The following HERC1 variants were observed in gnomAD, a reference collection of about 807,000 sequenced individuals.
HERC1 encodes probable E3 ubiquitin-protein ligase HERC1.
In HERC1, 160 loss-of-function variants were observed where a neutral mutation model predicts 554.3. The observed-to-expected ratio is 0.29, with a 90% confidence interval of 0.25 to 0.33. The LOEUF (loss-of-function observed/expected upper bound fraction) is 0.33. Ranked by LOEUF, HERC1 falls within the 10% of genes least tolerant of loss-of-function variation. The probability of loss-of-function intolerance (pLI) is 1.00; values close to 1 mark genes in which losing one functional copy is unlikely to be tolerated. For missense variants in HERC1, 4,919 were observed against 5,918.5 expected (o/e 0.83, Z 5.54); for synonymous variants, 2,175 against 2,131.7 (o/e 1.02, Z -0.56).
chr15:63,639,806 G>A (rs916357421), intron 61 of HERC1, among the ~76,000 whole-genome samples: 26 of 152,120 alleles, frequency 1.7e-4, no homozygotes, highest in African/African-American at 6.3e-4. Flanking sequence ...GAATCTATAT[G>A]TGGCATATAA....
Position 63,692,801 on chromosome 15 carries a change from A to C in HERC1, c.5675-235T>G, listed in dbSNP as rs373567163. 5.3e-5 allele frequency among the ~76,000 whole-genome samples: 8 copies of C among 152,322 alleles called. No homozygotes were observed. The South Asian group carries it at 1.2e-3, about 24-fold the overall frequency. ...TAAAAATGAATATGCTATAACTATG[A>C]TGACTAAGTATAATAAAGAATTATT... On this transcript the variant is annotated intron_variant, in intron 30 of 77. Transcript: ENST00000443617. The surrounding 1 kb of genome is among the most constrained non-coding windows in gnomAD (Gnocchi z 4.7).
chr15:63,802,768 G>C (rs1399767925), intron 1 of HERC1, among the ~76,000 whole-genome samples: 1 of 152,222 alleles, frequency 6.6e-6, no homozygotes, highest in Non-Finnish European at 1.5e-5. Context: ...GTTACTGCAA[G>C]TAAGTTTAAG....
At chr15:63,816,446 G>C (rs2077496941) in intron 1 of HERC1, among the ~76,000 whole-genome samples, 1 of 152,174 alleles carries the variant, frequency 6.6e-6, no homozygotes, top group African/African-American at 2.4e-5. Flanking sequence ...TCAAGTTCAT[G>C]CTGAGAAATC....
At chr15:63,763,212 A>G (rs2142358047) in intron 3 of HERC1, among the ~76,000 whole-genome samples, 1 of 152,348 alleles carries the variant, frequency 6.6e-6, no homozygotes, top group Non-Finnish European at 1.5e-5. Flanking sequence ...TCACCCCAAC[A>G]CTAATAAAAA....
rs1272718930 is a variant in HERC1, at chr15:63,664,239, G to C, written c.8680+231C>G. Among the ~76,000 whole-genome samples, 14 of 152,266 alleles carry C rather than the reference G, an allele frequency of 9.2e-5. No homozygotes were observed. In the East Asian group the frequency reaches 2.7e-3, roughly 29 times the overall value. On this transcript the variant is annotated intron_variant, in intron 43 of 77. Transcript: ENST00000443617. ...TATAATTTCTCAAAATCTACAAGTGGCCAGTATAGACTTCTGCACCCAGGG... is the reference window on the plus strand; with the variant it reads ...TATAATTTCTCAAAATCTACAAGTGCCCAGTATAGACTTCTGCACCCAGGG...
At chr15:63,797,412 GT>G (rs564534539) in intron 1 of HERC1, among the ~76,000 whole-genome samples, 1 of 152,084 alleles carries the variant, frequency 6.6e-6, no homozygotes, top group African/African-American at 2.4e-5. Flanking sequence ...TCTAAGATTG[GT>G]TTTTTTGTGT....
chr15:63,665,087 AT>A (rs1417843828), intron 42 of HERC1, among the ~76,000 whole-genome samples: 4 of 152,218 alleles, frequency 2.6e-5, no homozygotes, highest in Non-Finnish European at 5.9e-5. Flanking sequence ...AGGAAAAAAG[AT>A]TTTAGGGAGA....
rs778472856 is a variant in HERC1, at chr15:63,669,618, G to A, written c.8126C>T (p.Thr2709Ile). ...CCTTCCTACTTCATCAGAAGGAGAG[G>A]TTGGTAACGAAGATATTGGAGGAGT... Reference protein sequence around the residue: ...AQTPPISSLPTSPSDEVGRRQ... With the variant: ...AQTPPISSLPISPSDEVGRRQ... The change falls in exon 40 of 78, where the codon ACC becomes ATC. Residue 2709 changes from threonine to isoleucine, a missense_variant. Physicochemically the swap from Thr to Ile is moderately conservative, Grantham distance 89. This residue lies in a region of HERC1 where 1,963 missense variants were observed against 2,228.6 expected (regional missense o/e 0.88). Transcript: ENST00000443617. The A allele has an allele frequency of 6.2e-7, 1 of 1,613,780 alleles. No individual in the cohort carries two copies. The highest frequency in any genetic ancestry group is 8.5e-7 in the Non-Finnish European group (1 of 1,179,674).
At chr15:63,799,007 C>T (rs2076896386) in intron 1 of HERC1, among the ~76,000 whole-genome samples, 1 of 152,072 alleles carries the variant, frequency 6.6e-6, no homozygotes, top group African/African-American at 2.4e-5. Context: ...TTTTTTAAAG[C>T]GTCATCTCTG....
At chr15:63,764,010 G>A (rs1258797664) in intron 3 of HERC1, 86 bp downstream of exon 3, 1 of 708,802 alleles carries the variant, frequency 1.4e-6, no homozygotes, top group Non-Finnish European at 2.1e-6. Context: ...CTTTTCCAGA[G>A]AAAATGGATT....
In HERC1 at chr15:63,678,340, C is replaced by T. The variant is rs202130230; in HGVS notation, c.6575G>A (p.Arg2192His). The T allele has an allele frequency of 2.2e-5, 36 of 1,607,300 alleles. No individual in the cohort carries two copies. The highest frequency in any genetic ancestry group is 1.7e-4 in the Admixed American group (10 of 58,700). Residue 2192 changes from arginine (R) to histidine (H), a missense_variant, in exon 37 of 78, where the codon CGT (arginine) becomes CAT (histidine). Arg to His is a conservative substitution (Grantham distance 29, BLOSUM62 0). This residue lies in a region of HERC1 where 1,963 missense variants were observed against 2,228.6 expected (regional missense o/e 0.88). Coordinates refer to ENST00000443617, the MANE Select transcript of HERC1 (RefSeq NM_003922.4). ...TGGAAGTAAGTCTCGGGGTGTGCCA[C>T]GCATCTGCATATCACAAATTTTCAC... is the stretch of plus-strand genomic sequence containing the variant. ...EKVKICDMQM[R>H]GTPRDLLPGD...
chr15:63,717,613 G>C (rs553735314), intron 21 of HERC1, among the ~76,000 whole-genome samples: 7 of 152,132 alleles, frequency 4.6e-5, no homozygotes, highest in Admixed American at 3.3e-4. Flanking sequence ...TAGCATTTTG[G>C]GAGGCCGAGG....
intron 22 of HERC1, 41 bp downstream of exon 22, chr15:63,716,261 T>G: frequency 6.5e-7 from 1 of 1,548,866 alleles, no homozygotes; most frequent in East Asian, 2.3e-5. Context: ...TCAAAAAGCA[T>G]GCCACAGTTT....
At chr15:63,799,497 C>G (rs1168063786) in intron 1 of HERC1, among the ~76,000 whole-genome samples, 1 of 150,316 alleles carries the variant, frequency 6.7e-6, no homozygotes. Flanking sequence ...AAGACTCTGC[C>G]TCTAAAAAAA....
chr15:63,796,993 G>A (rs556354316), intron 1 of HERC1, among the ~76,000 whole-genome samples: 4 of 152,238 alleles, frequency 2.6e-5, no homozygotes, highest in South Asian at 2.1e-4. Flanking sequence ...CATCATGGCC[G>A]GAACTAGTTT....
At chr15:63,805,321 C>T (rs2077104498) in intron 1 of HERC1, among the ~76,000 whole-genome samples, 1 of 152,100 alleles carries the variant, frequency 6.6e-6, no homozygotes, top group Admixed American at 6.5e-5. Context: ...CATTATTATT[C>T]ATTATTTGGA....
At chr15:63,716,773 TAGTA>T (rs1303830832) in intron 21 of HERC1, among the ~76,000 whole-genome samples, 1 of 152,184 alleles carries the variant, frequency 6.6e-6, no homozygotes, top group African/African-American at 2.4e-5. Flanking sequence ...AGCTGCAACT[TAGTA>T]AGTTGTAATG....
chr15:63,737,541 ATATATATC>A (rs1251030653), intron 12 of HERC1, among the ~76,000 whole-genome samples: 1 of 60,674 alleles, frequency 1.6e-5, no homozygotes, highest in African/African-American at 5.8e-5. Context: ...ATATATATAT[ATATATATC>A]TTTTTTTTTT....
rs188845056 is a variant in HERC1, at chr15:63,704,934, T to A, written c.4636+1846A>T. ...TTTGTATTTTTAGTAGAGACAGGGT[T>A]TCACCATGTTAGCCAGGATGGTGTC... On this transcript the variant is annotated intron_variant, in intron 25 of 77. Transcript: ENST00000443617. 3.4e-4 allele frequency among the ~76,000 whole-genome samples: 52 copies of A among 151,972 alleles called. No individual in the cohort carries two copies. In the East Asian group the frequency reaches 7.2e-3, roughly 21 times the overall value.
Sources: allele counts gnomAD v4.1 joint callset (sites outside exome capture counted in the v4.1 genomes callset), GRCh38; gene constraint gnomAD v4.1.1; regional missense constraint gnomAD v4.1.1; non-coding constraint Gnocchi (gnomAD v3.1); transcripts MANE v1.5; gene names NCBI Gene and HGNC (gene_info 2026-07-23, HGNC 2026-07-21).